TMEM214: variants seen among roughly 807,000 people sequenced by gnomAD.
TMEM214 encodes the protein transmembrane protein 214.
In TMEM214, 71 loss-of-function variants were observed where a neutral mutation model predicts 89.8. The observed-to-expected ratio is 0.79, with a 90% CI of 0.65 to 0.96. TMEM214 has a LOEUF of 0.96. TMEM214 is among the 40% of genes least tolerant of loss of function. The pLI is 0.00. For missense variants in TMEM214, 754 were observed against 843.4 expected, an observed-to-expected ratio of 0.89 and a Z score of 1.31; for synonymous variants, 332 against 349.5, an observed-to-expected ratio of 0.95 and a Z score of 0.56.
intron 15 of TMEM214, 61 bp downstream of exon 15, chr2:27,040,259 A>G (rs1419830291): frequency 6.2e-7 from 1 of 1,606,214 alleles, no homozygotes; most frequent in Non-Finnish European, 8.5e-7. Context: ...AATTCTGGGA[A>G]AGGAGCAGCA....
rs184663764 is a variant in TMEM214 at position 27,039,420 on chromosome 2, T to C, written c.1525+256T>C. ...GTAGGTGTTACCTCCTTTTAACTCC[T>C]GAGGAAATGGTCTCAGAAAGATGTA... On this transcript the variant is annotated intron_variant, in intron 13 of 16. Transcript: ENST00000238788. The C allele has an allele frequency of 5.1e-6, 3 of 590,800 alleles. No homozygotes were observed. The Admixed American group carries it at 8.9e-5, about 18-fold the overall frequency. 36.6% of individuals were successfully genotyped at this position (590,800 alleles called of 1,614,324 possible).
intron 8 of TMEM214, 65 bp downstream of exon 8, chr2:27,037,243 C>T: frequency 1.5e-6 from 2 of 1,295,450 alleles, no homozygotes; most frequent in Non-Finnish European, 2.2e-6. Context: ...ACTACATATT[C>T]CCGTCTCTCC....
rs772394840 is a variant in TMEM214 at position 27,036,685 on chromosome 2, C to T, written c.827-20C>T. The T allele has an allele frequency of 3.7e-6, 6 of 1,613,966 alleles. No individual in the cohort carries two copies. Among genetic ancestry groups the T allele is most frequent in the East Asian group, 2.2e-5 (1 of 44,894 alleles). ...GTAGGTGCAAGCCTGAGGCCTCCCT[C>T]GTGACTTTTACCCCTGCAGTGTGGC... On this transcript the variant is annotated intron_variant, in intron 6 of 16. Coordinates refer to ENST00000238788, the MANE Select transcript of TMEM214 (RefSeq NM_017727.5).
chr2:27,040,323 C>G (rs1216690592), intron 15 of TMEM214, 22 bp from the exon 16 acceptor site: 2 of 1,613,798 alleles, frequency 1.2e-6, no homozygotes, highest in East Asian at 4.5e-5. Flanking sequence ...TACTCTGACC[C>G]CATCCATTCT....
intron 3 of TMEM214, 144 bp downstream of exon 3, chr2:27,035,429 T>C: frequency 7.1e-7 from 1 of 1,415,652 alleles, no homozygotes; most frequent in Non-Finnish European, 9.6e-7. Flanking sequence ...TGAATGTTTC[T>C]GGGCCTCATT....
chr2:27,040,999 G>T lies in TMEM214; in HGVS notation c.*162G>T, dbSNP rs1446342844. 8.5e-6 allele frequency: 7 copies of T among 826,150 alleles called. No homozygotes were observed. The highest frequency in any genetic ancestry group is 1.3e-5 in the Non-Finnish European group (7 of 537,414). 51.2% of individuals were successfully genotyped at this position (826,150 alleles called of 1,614,324 possible). On this transcript the variant is annotated 3_prime_UTR_variant, in exon 17 of 17. Transcript: ENST00000238788. ...CACCTCAGTTCTTCCATCTTTGGTG[G>T]GGACAGGGCCCAGCAGCATCTCAGC...
intron 16 of TMEM214, 103 bp from the exon 17 acceptor site, chr2:27,040,608 T>TC (rs764347903): frequency 1.5e-5 from 23 of 1,585,366 alleles, no homozygotes; most frequent in Non-Finnish European, 2.0e-5. Context: ...TCGCTCCCAT[T>TC]CCTGGCCACC....
In TMEM214 at chr2:27,040,501, G is replaced by T; in HGVS notation, c.1943+5G>T. On this transcript the variant is annotated splice_donor_5th_base_variant and intron_variant, in intron 16 of 16. Coordinates refer to ENST00000238788, the MANE Select transcript of TMEM214 (RefSeq NM_017727.5). ...GCACTGCCATGAGGCATGCAGGTGA[G>T]ACCTTTGCCCAGGGCTCCGGCAGGA... 1 of 1,612,998 alleles carries T rather than the reference G, an allele frequency of 6.2e-7. No individual in the cohort carries two copies.
intron 1 of TMEM214, 47 bp downstream of exon 1, chr2:27,033,213 G>T: frequency 8.0e-7 from 1 of 1,244,698 alleles, no homozygotes; most frequent in South Asian, 4.2e-5. Flanking sequence ...CTGTCCGGCA[G>T]GGTCGCAGCG....
chr2:27,037,766 C>T (rs1667631669), intron 9 of TMEM214, 64 bp downstream of exon 9: 2 of 1,613,810 alleles, frequency 1.2e-6, no homozygotes, highest in Non-Finnish European at 1.7e-6. Context: ...TCCCTATCTG[C>T]TGACAAAGGC....
intron 3 of TMEM214, 137 bp from the exon 4 acceptor site, chr2:27,035,457 G>A: frequency 1.4e-6 from 2 of 1,411,012 alleles, no homozygotes; most frequent in Non-Finnish European, 1.9e-6. Context: ...CCTCCCTCTG[G>A]GCCTCCTCAG....
At chr2:27,037,804 C>G in intron 9 of TMEM214, 102 bp downstream of exon 9, 1 of 1,609,208 alleles carries the variant, frequency 6.2e-7, no homozygotes, top group Non-Finnish European at 8.5e-7. Flanking sequence ...CATTCTGAGG[C>G]TTTTCCTTAG....
rs749136611 is a variant in TMEM214 at position 27,040,435 on chromosome 2, C to A, written c.1882C>A (p.Leu628Met). The A allele has an allele frequency of 1.2e-6, 2 of 1,614,128 alleles. No homozygotes were observed. The highest frequency in any genetic ancestry group is 8.5e-7 in the Non-Finnish European group (1 of 1,180,054). Residue 628 changes from leucine (L) to methionine (M), a missense_variant, in exon 16 of 17, where the codon CTG becomes ATG. Coordinates refer to ENST00000238788, the MANE Select transcript of TMEM214 (RefSeq NM_017727.5). ...TTTCCACCAGAATGTGCTGCTGCCA[C>A]TGTGGCACCTCTTGCTTGAGGCCCT... Reference protein sequence around the residue: ...LLFHQNVLLPLWHLLLEALAW... With the variant: ...LLFHQNVLLPMWHLLLEALAW...
intron 5 of TMEM214, 132 bp downstream of exon 5, chr2:27,036,184 C>T (rs1667550345): frequency 1.3e-6 from 1 of 770,380 alleles, no homozygotes. Flanking sequence ...ACACTATTAG[C>T]ACCTATCCTG....
In TMEM214 at chr2:27,040,876, C is replaced by G; in HGVS notation, c.*39C>G. 1 of 1,597,598 alleles carries G rather than the reference C, an allele frequency of 6.3e-7. No homozygotes were observed. Among genetic ancestry groups the G allele is most frequent in the South Asian group, 1.1e-5 (1 of 90,806 alleles). ...GGCCACTGATTTCTGCATGGGTAGA[C>G]CATCCAAGACTGCAGCGGGTAGAAG... On this transcript the variant is annotated 3_prime_UTR_variant, in exon 17 of 17. Coordinates refer to ENST00000238788, the MANE Select transcript of TMEM214 (RefSeq NM_017727.5).
intron 7 of TMEM214, 82 bp downstream of exon 7, chr2:27,036,868 G>T: frequency 7.0e-7 from 1 of 1,434,334 alleles, no homozygotes; most frequent in Non-Finnish European, 9.8e-7. Context: ...TATGATCTTG[G>T]TCTCCATGGA....
chr2:27,036,484 C>G lies in TMEM214; in HGVS notation c.721-3C>G. Reference sequence around the variant, plus strand: ...AATCTGCCTTCCCCACCGGTCTCCTCAGTTCCTGGAACTGCTGAGGTCCCA... The same window carrying G: ...AATCTGCCTTCCCCACCGGTCTCCTGAGTTCCTGGAACTGCTGAGGTCCCA... On this transcript the variant is annotated splice_polypyrimidine_tract_variant and splice_region_variant and intron_variant, in intron 5 of 16. Transcript: ENST00000238788. 6.2e-7 allele frequency: 1 copy of G among 1,613,494 alleles called. No homozygotes were observed. The highest frequency in any genetic ancestry group is 8.5e-7 in the Non-Finnish European group (1 of 1,179,484).
chr2:27,034,601 C>CTTTTTT (rs67511175), intron 2 of TMEM214: 4 of 161,962 alleles, frequency 2.5e-5, no homozygotes, highest in South Asian at 9.1e-5. Context: ...CTGTTTTCCT[C>CTTTTTT]TTTTTTTTTT....
chr2:27,034,197 G>A lies in TMEM214; in HGVS notation c.282G>A (p.Lys94=). ...CAGGGAACAAGAAGCAGCCAAAGAA[G>A]GTGGCAACTCCTCCCAACCAAAACC... The part of the protein sequence containing the change: ...KKPGNKKQPK[K]VATPPNQNQK... Residue 94 remains lysine (K), a synonymous_variant, in exon 2 of 17, where the codon AAG becomes AAA. Coordinates refer to ENST00000238788, the MANE Select transcript of TMEM214 (RefSeq NM_017727.5). The A allele has an allele frequency of 6.2e-7, 1 of 1,614,174 alleles. No homozygotes were observed.
Sources: gnomAD v4.1 joint callset for allele counts on GRCh38, gnomAD v4.1.1 for gene constraint, MANE v1.5 for transcripts, NCBI Gene and HGNC (gene_info 2026-07-23, HGNC 2026-07-21) for gene names.